AOPEP: variants seen among roughly 807,000 people sequenced by gnomAD.
AOPEP encodes the protein aminopeptidase O (putative).
In AOPEP, 77 loss-of-function variants were observed where a neutral mutation model predicts 98.1. The observed-to-expected ratio is 0.78, with a 90% CI of 0.65 to 0.95. The LOEUF is 0.95. Among genes scored for constraint, AOPEP ranks in the 40% least tolerant of loss-of-function variants. The pLI, the probability that AOPEP is intolerant of heterozygous loss-of-function variation, is 0.00. For missense variants in AOPEP, 1,024 were observed against 1,024.7 expected (o/e 1.00, Z 0.01); for synonymous variants, 346 against 365.3 (o/e 0.95, Z 0.60).
chr9:94,792,937 G>C lies in AOPEP; in HGVS notation c.1118+19G>C. The stretch of plus-strand genomic sequence containing the variant: ...ACTTCAGGTTTGTGTTTGGGGACTT[G>C]CTGGGAAGGAAAAAAAAAAAAACAC... On this transcript the variant is annotated intron_variant, in intron 4 of 16. Transcript: ENST00000375315. 6.4e-7 allele frequency: 1 copy of C among 1,555,612 alleles called. No individual in the cohort carries two copies. Among genetic ancestry groups the C allele is most frequent in the Non-Finnish European group, 8.7e-7 (1 of 1,151,576 alleles).
intron 5 of AOPEP, among the ~76,000 whole-genome samples, chr9:94,831,870 G>C (rs1856051563): frequency 6.6e-6 from 1 of 152,082 alleles, no homozygotes; most frequent in South Asian, 2.1e-4. Flanking sequence ...AAGGAAATCA[G>C]AGAGGACACA....
At chr9:95,111,441 T>C in the AOPEP span, 2 of 1,607,580 alleles carry the variant, frequency 1.2e-6, no homozygotes, top group African/African-American at 2.7e-5. Context: ...CCCAAACACA[T>C]GCAGTGGGGC....
In AOPEP at chr9:94,924,012, G is replaced by A. The variant is rs2053965540; in HGVS notation, c.1391G>A (p.Ser464Asn). 3 of 1,480,516 alleles carry A rather than the reference G, an allele frequency of 2.0e-6. No individual in the cohort carries two copies. Among genetic ancestry groups the A allele is most frequent in the Non-Finnish European group, 2.7e-6 (3 of 1,111,126 alleles). 91.7% of individuals were successfully genotyped at this position (1,480,516 alleles called of 1,614,324 possible). ...ASPHIMFLSQ[S>N]ILTGGNHLCG... ...CCACACATCATGTTCCTCTCTCAGA[G>A]CATCTTGACAGGAGGGAACCATCTC... Residue 464 changes from serine to asparagine, a missense_variant, in exon 6 of 17, where the codon AGC becomes AAC. By Grantham distance (46) the Ser-to-Asn change is conservative. Transcript: ENST00000375315.
intron 11 of AOPEP, chr9:95,004,343 T>C (rs2061767471): frequency 2.2e-6 from 1 of 454,842 alleles, no homozygotes; most frequent in Non-Finnish European, 4.4e-6. Flanking sequence ...CTTTTTAAAT[T>C]CTACCCAGTG....
intron 2 of AOPEP, among the ~76,000 whole-genome samples, chr9:94,764,650 A>C (rs1282545001): frequency 6.6e-6 from 1 of 152,180 alleles, no homozygotes; most frequent in Non-Finnish European, 1.5e-5. Flanking sequence ...TGTGTCTCAA[A>C]AATAAAATAA....
chr9:94,834,818 A>G (rs1318742113), intron 5 of AOPEP, among the ~76,000 whole-genome samples: 1 of 146,784 alleles, frequency 6.8e-6, no homozygotes, highest in African/African-American at 2.6e-5. Flanking sequence ...GCATGCATAC[A>G]TACATACATA....
At chr9:94,800,572 T>G (rs555084921) in intron 4 of AOPEP, among the ~76,000 whole-genome samples, 185 bp from the exon 5 acceptor site, 117 of 152,244 alleles carry the variant, frequency 7.7e-4, no homozygotes, top group African/African-American at 2.7e-3. Context: ...CATGAATACG[T>G]TTTTGTCCTG....
At chr9:94,756,636 G>A (rs946454854) in intron 1 of AOPEP, among the ~76,000 whole-genome samples, 3 of 152,168 alleles carry the variant, frequency 2.0e-5, no homozygotes, top group Non-Finnish European at 4.4e-5. Context: ...CACTTCTCAT[G>A]TTTCCTTCCT....
the AOPEP span, chr9:95,125,329 T>C: frequency 5.6e-6 from 4 of 715,448 alleles, no homozygotes; most frequent in Non-Finnish European, 1.0e-5. Flanking sequence ...TTTCAGTCCT[T>C]GTGTGAAAAC....
intron 13 of AOPEP, among the ~76,000 whole-genome samples, chr9:95,031,521 C>A (rs1328887383): frequency 6.6e-6 from 1 of 152,160 alleles, no homozygotes; most frequent in African/African-American, 2.4e-5. Context: ...TTAAACATCA[C>A]CATCTATCAA....
chr9:94,918,211 C>A (rs886556402), intron 5 of AOPEP, among the ~76,000 whole-genome samples: 1 of 152,182 alleles, frequency 6.6e-6, no homozygotes, highest in Non-Finnish European at 1.5e-5. Flanking sequence ...CTGGGGACTC[C>A]CAGCGTAGGA....
At chr9:94,770,944 A>G (rs1303068534) in intron 2 of AOPEP, among the ~76,000 whole-genome samples, 2 of 152,180 alleles carry the variant, frequency 1.3e-5, no homozygotes, top group Non-Finnish European at 2.9e-5. Context: ...TACTTCACAG[A>G]AGTCTTCCTT....
chr9:95,125,050 C>G, the AOPEP span: 1 of 1,547,094 alleles, frequency 6.5e-7, no homozygotes, highest in African/African-American at 1.4e-5. Flanking sequence ...GTCTTATTCT[C>G]TGGGATGAAT....
chr9:94,818,755 G>A (rs1053014553), intron 5 of AOPEP, among the ~76,000 whole-genome samples: 13 of 152,226 alleles, frequency 8.5e-5, no homozygotes, highest in African/African-American at 2.9e-4. Flanking sequence ...AGCACTTTGG[G>A]AGGCTGAGGT....
intron 13 of AOPEP, among the ~76,000 whole-genome samples, chr9:95,059,659 T>C (rs1435001648): frequency 6.6e-6 from 1 of 152,292 alleles, no homozygotes; most frequent in African/African-American, 2.4e-5. Context: ...AAAGTGGCAG[T>C]TAAAATCCAG....
At chr9:94,851,221 G>A (rs1370284854) in intron 5 of AOPEP, among the ~76,000 whole-genome samples, 2 of 152,146 alleles carry the variant, frequency 1.3e-5, no homozygotes, top group Non-Finnish European at 2.9e-5. Context: ...GTCCTTGCAG[G>A]CGTGCCTTGG....
At chr9:94,892,190 T>C (rs1475089367) in intron 5 of AOPEP, among the ~76,000 whole-genome samples, 1 of 152,246 alleles carries the variant, frequency 6.6e-6, no homozygotes, top group Admixed American at 6.5e-5. Flanking sequence ...TATTTGGGAC[T>C]TACTCAGCTT....
chr9:95,044,700 C>T (rs547114310), intron 13 of AOPEP, among the ~76,000 whole-genome samples: 4 of 152,214 alleles, frequency 2.6e-5, no homozygotes, highest in African/African-American at 7.2e-5. Flanking sequence ...TGGAAATGAG[C>T]ATAGTGACCT....
intron 13 of AOPEP, among the ~76,000 whole-genome samples, chr9:95,025,013 A>G (rs1413075297): frequency 1.3e-5 from 2 of 152,220 alleles, no homozygotes; most frequent in East Asian, 1.9e-4. Context: ...TTTAGGGTAC[A>G]TGTGATTTAG....
Sources: allele counts gnomAD v4.1 joint callset (sites outside exome capture counted in the v4.1 genomes callset), GRCh38; gene constraint gnomAD v4.1.1; transcripts MANE v1.5; gene names NCBI Gene and HGNC (gene_info 2026-07-23, HGNC 2026-07-21).